DNAJC17: variants seen among roughly 807,000 people sequenced by gnomAD.
DNAJC17 encodes the protein DnaJ heat shock protein family (Hsp40) member C17.
DNAJC17 carries 35 observed loss-of-function variants against 48.1 expected under a neutral mutation model. The observed-to-expected ratio is 0.73, with a 90% confidence interval of 0.56 to 0.96. DNAJC17 has a LOEUF of 0.96. Among genes scored for constraint, DNAJC17 ranks in the 50% least tolerant of loss-of-function variants. DNAJC17 has a pLI of 0.00. For synonymous variants in DNAJC17, 117 were observed against 142.7 expected (o/e 0.82, Z 1.28); for missense variants, 355 against 377.1 (o/e 0.94, Z 0.48).
intron 1 of DNAJC17, among the ~76,000 whole-genome samples, chr15:40,786,105 C>A (rs925775244): frequency 2.0e-5 from 3 of 152,220 alleles, no homozygotes; most frequent in African/African-American, 7.2e-5. Flanking sequence ...GTAAACACAA[C>A]TCTCCTAAAG....
chr15:40,791,718 G>A (rs1363780066), intron 1 of DNAJC17, among the ~76,000 whole-genome samples: 4 of 151,906 alleles, frequency 2.6e-5, no homozygotes, highest in Admixed American at 6.6e-5. Flanking sequence ...GGTGGCACGC[G>A]CCTGTAATCC....
At chr15:40,803,681 T>C (rs917573707) in intron 1 of DNAJC17, among the ~76,000 whole-genome samples, 3 of 152,194 alleles carry the variant, frequency 2.0e-5, no homozygotes, top group Non-Finnish European at 4.4e-5. Context: ...AATCTCAGCC[T>C]ACACTGAACA....
intron 8 of DNAJC17, 75 bp downstream of exon 8, chr15:40,774,956 G>T: frequency 2.0e-6 from 3 of 1,489,130 alleles, no homozygotes; most frequent in South Asian, 1.1e-5. Context: ...TTCAGGCATT[G>T]AGAGCAGAGA....
rs1366278340 is a variant in DNAJC17, at chr15:40,770,853, C to T, written c.793-2791G>A. 6 of 1,551,534 alleles carry T rather than the reference C, an allele frequency of 3.9e-6. No homozygotes were observed. The highest frequency in any genetic ancestry group is 2.0e-5 in the Admixed American group (1 of 51,006). On this transcript the variant is annotated intron_variant, in intron 10 of 10. Transcript: ENST00000220496. The surrounding 1 kb of genome is among the most constrained non-coding windows in gnomAD (Gnocchi z 5.0). Reference sequence around the variant, plus strand: ...ATCGGCGCTCTCTCTGTCGAGTGCCCTCCACCAGCACTCAGAGAAGGGCCT... The same window carrying T: ...ATCGGCGCTCTCTCTGTCGAGTGCCTTCCACCAGCACTCAGAGAAGGGCCT...
intron 7 of DNAJC17, 64 bp downstream of exon 7, chr15:40,775,489 T>C (rs569862621): frequency 1.2e-4 from 187 of 1,560,570 alleles, no homozygotes; most frequent in Middle Eastern, 1.1e-3. Flanking sequence ...ACAGGAAGCA[T>C]CTATTCCTGC....
At chr15:40,777,696 C>A (rs1483763492) in intron 4 of DNAJC17, among the ~76,000 whole-genome samples, 1 of 148,110 alleles carries the variant, frequency 6.8e-6, no homozygotes, top group African/African-American at 2.5e-5. Flanking sequence ...CCAGCCTGGG[C>A]AACAAGAGCG....
At position 40,807,407 on chromosome 15, in the gene DNAJC17, C is replaced by A. The variant is rs760865776; in HGVS notation, c.40G>T (p.Ala14Ser). 34 of 1,614,152 alleles carry A rather than the reference C, an allele frequency of 2.1e-5. No individual in the cohort carries two copies. The highest frequency in any genetic ancestry group is 2.8e-5 in the Non-Finnish European group (33 of 1,180,056). Residue 14 changes from alanine (A) to serine (S), a missense_variant, in exon 1 of 11, where the codon GCG becomes TCG. Coordinates refer to ENST00000220496, the MANE Select transcript of DNAJC17 (RefSeq NM_018163.3). Reference protein sequence around the residue: ...TKELLQMDLYALLGIEEKAAD... With the variant: ...TKELLQMDLYSLLGIEEKAAD... The stretch of plus-strand genomic sequence containing the variant: ...GCCTTCTCCTCAATGCCTAGCAGCG[C>A]GTACAGGTCCATCTGTAAGAGCTCC...
At chr15:40,768,709 G>A (rs1459714785) in intron 10 of DNAJC17, among the ~76,000 whole-genome samples, 2 of 152,256 alleles carry the variant, frequency 1.3e-5, no homozygotes, top group Non-Finnish European at 2.9e-5. Context: ...AATGGGCCAA[G>A]GCTGTAGGGT....
intron 1 of DNAJC17, among the ~76,000 whole-genome samples, chr15:40,803,491 A>G (rs564550826): frequency 4.6e-5 from 7 of 152,344 alleles, no homozygotes; most frequent in Admixed American, 3.3e-4. Flanking sequence ...AAAGAAAAAT[A>G]GGTAAGGCCT....
chr15:40,773,030 G>A (rs1283658021), intron 10 of DNAJC17, among the ~76,000 whole-genome samples: 4 of 149,064 alleles, frequency 2.7e-5, no homozygotes, highest in African/African-American at 7.5e-5. Flanking sequence ...GCACGATCTC[G>A]GCTCACTGCA....
chr15:40,767,050 G>C lies in DNAJC17; in HGVS notation c.*890C>G. On this transcript the variant is annotated 3_prime_UTR_variant, in exon 11 of 11. Coordinates refer to ENST00000220496, the MANE Select transcript of DNAJC17 (RefSeq NM_018163.3). ...TTGGGAAGAATAAATGAGATAGCTC[G>C]TGAAGTACCTAGAAGGGGAGGAGGC... is the stretch of plus-strand genomic sequence containing the variant. 2.0e-6 allele frequency: 1 copy of C among 506,724 alleles called. No individual in the cohort carries two copies. The highest frequency in any genetic ancestry group is 3.4e-6 in the Non-Finnish European group (1 of 296,420). 31.4% of individuals were successfully genotyped at this position (506,724 alleles called of 1,614,324 possible).
Position 40,768,042 on chromosome 15 carries a change from CCT to C in DNAJC17, c.811_812del (p.Arg271GlyfsTer98), listed in dbSNP as rs773516322. ...GLSKGSVLSERDYESLVMMRM... is the reference protein window; with the variant it reads ...GLSKGSVLSEXDYESLVMMRM... ...GCATCATGACGAGGCTCTCGTAGTC[CCT>C]CTCTGACAGCACTGAGCCCTGTCGG... is the stretch of plus-strand genomic sequence containing the variant. On this transcript the variant is annotated frameshift_variant, in exon 11 of 11. Transcript: ENST00000220496. LOFTEE classifies it high-confidence loss of function. The C allele has an allele frequency of 1.7e-5, 27 of 1,584,120 alleles. No homozygotes were observed. Among genetic ancestry groups the C allele is most frequent in the Admixed American group, 3.7e-5 (2 of 54,274 alleles).
At chr15:40,799,757 C>T (rs1456842410) in intron 1 of DNAJC17, among the ~76,000 whole-genome samples, 2 of 152,058 alleles carry the variant, frequency 1.3e-5, no homozygotes, top group African/African-American at 4.8e-5. Flanking sequence ...TTTGAGGACT[C>T]ACCATACCAT....
Position 40,767,949 on chromosome 15 carries a change from C to T in DNAJC17, c.906G>A (p.Pro302=). ...ATGGCTGGAGCTGGGGCTACGTAGG[C>T]GGCCCCTCCTGGTCTTCCTGCTGCA... ...ARMQQEDQEG[P]PT The change falls in exon 11 of 11, where the codon CCG becomes CCA. Residue 302 remains proline (P), a synonymous_variant. Transcript: ENST00000220496. The T allele has an allele frequency of 6.2e-7, 1 of 1,612,626 alleles. No individual in the cohort carries two copies. The highest frequency in any genetic ancestry group is 8.5e-7 in the Non-Finnish European group (1 of 1,179,612).
Position 40,767,201 on chromosome 15 carries a change from C to A in DNAJC17, c.*739G>T. The A allele has an allele frequency of 7.0e-7, 1 of 1,438,086 alleles. No homozygotes were observed. The highest frequency in any genetic ancestry group is 1.8e-4 in the Middle Eastern group (1 of 5,490). 89.1% of individuals were successfully genotyped at this position (1,438,086 alleles called of 1,614,324 possible). ...GGAGCTTGCTGTGTGCCCCTCCTCA[C>A]CCCCCCCATCCTGTCTCTTTGCAGT... On this transcript the variant is annotated 3_prime_UTR_variant, in exon 11 of 11. Transcript: ENST00000220496.
intron 1 of DNAJC17, among the ~76,000 whole-genome samples, chr15:40,782,431 A>C (rs1049666107): frequency 6.6e-6 from 1 of 152,030 alleles, no homozygotes; most frequent in African/African-American, 2.4e-5. Context: ...AAATACATAG[A>C]AAGAAAGAAA....
At chr15:40,777,579 T>C (rs1166772096) in intron 4 of DNAJC17, among the ~76,000 whole-genome samples, 2 of 151,780 alleles carry the variant, frequency 1.3e-5, no homozygotes, top group South Asian at 2.1e-4. Context: ...ATTAGCCGGG[T>C]GTGGTGGTGC....
intron 1 of DNAJC17, among the ~76,000 whole-genome samples, chr15:40,796,261 G>A (rs770560728): frequency 6.6e-6 from 1 of 152,164 alleles, no homozygotes; most frequent in African/African-American, 2.4e-5. Context: ...TTTCCTTCCT[G>A]GATTTTTTAC....
intron 10 of DNAJC17, chr15:40,771,046 C>T (rs1866170): frequency 0.46 from 710,202 of 1,544,530 alleles, 166,034 homozygotes; most frequent in South Asian, 0.57. Context: ...TGGGCAAAGC[C>T]GGGGTGACTG....
Sources: gnomAD v4.1 joint callset for allele counts (sites outside exome capture counted in the v4.1 genomes callset) on GRCh38, gnomAD v4.1.1 for gene constraint, Gnocchi (gnomAD v3.1) non-coding constraint, MANE v1.5 for transcripts, NCBI Gene and HGNC (gene_info 2026-07-23, HGNC 2026-07-21) for gene names.